Variants in TMEM45B observed in about 807,000 individuals in gnomAD.
TMEM45B encodes transmembrane protein 45B.
TMEM45B carries 29 observed loss-of-function variants against 27.3 expected under a neutral mutation model. The ratio of observed to expected loss-of-function variants is 1.06; its 90% CI spans 0.79 to 1.45. TMEM45B has a LOEUF of 1.45. TMEM45B is among the 40% of genes most tolerant of loss of function. TMEM45B has a pLI of 0.00. For synonymous variants in TMEM45B, 143 were observed against 134.7 expected (o/e 1.06, Z -0.43); for missense variants, 348 against 343.9 (o/e 1.01, Z -0.09).
In TMEM45B at chr11:129,854,728, AG is replaced by A; in HGVS notation, c.299del (p.Gly100GlufsTer64). The A allele has an allele frequency of 6.2e-7, 1 of 1,614,240 alleles. No individual in the cohort carries two copies. Among genetic ancestry groups the A allele is most frequent in the Non-Finnish European group, 8.5e-7 (1 of 1,180,034 alleles). ...CCATGTACCTATTCTTTGCAGTCTC[AG>A]GAATTGTTGACATGCTCACCTATCT... Reference protein sequence around the residue: ...STMYLFFAVSGIVDMLTYLVS... With the variant: ...STMYLFFAVSXIVDMLTYLVS... On this transcript the variant is annotated frameshift_variant, in exon 3 of 6. Coordinates refer to ENST00000281441, the MANE Select transcript of TMEM45B (RefSeq NM_138788.5). LOFTEE classifies it high-confidence loss of function.
chr11:129,821,496 A>G (rs1352800053), intron 1 of TMEM45B, among the ~76,000 whole-genome samples: 1 of 152,132 alleles, frequency 6.6e-6, no homozygotes, highest in Non-Finnish European at 1.5e-5. Context: ...AATTATGTAC[A>G]GTTTTTGTAA....
At chr11:129,816,311 C>T (rs1314395377) in intron 1 of TMEM45B, among the ~76,000 whole-genome samples, 6 of 152,230 alleles carry the variant, frequency 3.9e-5, no homozygotes, top group Non-Finnish European at 8.8e-5. Flanking sequence ...GGGACGCGCG[C>T]CCCCGGGGAT....
intron 1 of TMEM45B, among the ~76,000 whole-genome samples, chr11:129,837,067 G>A (rs956071469): frequency 8.5e-5 from 13 of 152,132 alleles, no homozygotes; most frequent in Non-Finnish European, 1.6e-4. Flanking sequence ...CAGCAATGCC[G>A]AGGCTGTGAG....
chr11:129,833,259 A>T (rs200345686), intron 1 of TMEM45B, among the ~76,000 whole-genome samples: 676 of 65,628 alleles, frequency 0.01, 1 homozygote, highest in African/African-American at 0.026. Context: ...ACAGAAAAAT[A>T]AAAAAAAAAA....
intron 1 of TMEM45B, among the ~76,000 whole-genome samples, chr11:129,825,954 T>C (rs11221866): frequency 0.3 from 46,202 of 151,614 alleles, 7,196 homozygotes; most frequent in South Asian, 0.35. Flanking sequence ...TTAAGGATAG[T>C]GTTAATTACA....
At position 129,826,567 on chromosome 11, in the gene TMEM45B, A is replaced by AGAAAAAGAAAAAT. The variant is rs1555069265; in HGVS notation, c.-9+10669_-9+10670insGAAAAAGAAAAAT. Among the ~76,000 whole-genome samples, 445 of 96,108 alleles carry AGAAAAAGAAAAAT rather than the reference A, an allele frequency of 4.6e-3. 30 individuals carry two copies. In the Admixed American group the frequency reaches 0.047, roughly 10 times the overall value. 63.1% of individuals were successfully genotyped at this position (96,108 alleles called of 152,430 possible). The stretch of plus-strand genomic sequence containing the variant: ...CTGTCACAAAAAAAAAAAAAAAAAA[A>AGAAAAAGAAAAAT]AGGACCCTGAGAGGCTATGTGTCTT... On this transcript the variant is annotated intron_variant, in intron 1 of 5. Coordinates refer to ENST00000281441, the MANE Select transcript of TMEM45B (RefSeq NM_138788.5).
At chr11:129,830,790 A>G (rs866342798) in intron 1 of TMEM45B, among the ~76,000 whole-genome samples, 25 of 152,370 alleles carry the variant, frequency 1.6e-4, no homozygotes, top group African/African-American at 5.8e-4. Flanking sequence ...ATGAAAAAAG[A>G]CATAACAAGT....
At chr11:129,830,535 A>G (rs1166921034) in intron 1 of TMEM45B, among the ~76,000 whole-genome samples, 1 of 152,244 alleles carries the variant, frequency 6.6e-6, no homozygotes, top group East Asian at 1.9e-4. Flanking sequence ...GGACAGCATC[A>G]AGAAAAGACA....
chr11:129,833,337 C>T (rs922883457), intron 1 of TMEM45B, among the ~76,000 whole-genome samples: 8 of 152,014 alleles, frequency 5.3e-5, no homozygotes, highest in African/African-American at 1.7e-4. Context: ...AATTTTGTCC[C>T]CCCACCTCCA....
At chr11:129,826,577 A>C (rs1285777064) in intron 1 of TMEM45B, among the ~76,000 whole-genome samples, 2 of 139,724 alleles carry the variant, frequency 1.4e-5, no homozygotes, top group African/African-American at 5.3e-5. Context: ...AAGGACCCTG[A>C]GAGGCTATGT....
Position 129,857,473 on chromosome 11 carries a change from T to A in TMEM45B, c.716+15T>A, listed in dbSNP as rs752718812. The A allele has an allele frequency of 3.7e-6, 6 of 1,613,638 alleles. No individual in the cohort carries two copies. The African/African-American group carries it at 8.0e-5, about 22-fold the overall frequency. On this transcript the variant is annotated intron_variant, in intron 5 of 5. Coordinates refer to ENST00000281441, the MANE Select transcript of TMEM45B (RefSeq NM_138788.5). Reference sequence around the variant, plus strand: ...CTTGTTTACTGGTATGTCTGAGACTTCAGTGAAGCTTTTCCTCCTAACTCT... The same window carrying A: ...CTTGTTTACTGGTATGTCTGAGACTACAGTGAAGCTTTTCCTCCTAACTCT...
At position 129,820,923 on chromosome 11, in the gene TMEM45B, T is replaced by G. The variant is rs191274415; in HGVS notation, c.-9+5025T>G. 2.5e-3 allele frequency among the ~76,000 whole-genome samples: 385 copies of G among 152,242 alleles called. 10 individuals carry two copies. Among genetic ancestry groups the G allele is most frequent in the Admixed American group, 0.023 (352 of 15,288 alleles). ...ATAGCATGCAGATACGGGCCATTTC[T>G]TCTTCTCTTTTCCAGTTCTGGATGA... On this transcript the variant is annotated intron_variant, in intron 1 of 5. Transcript: ENST00000281441.
At chr11:129,823,031 G>A (rs1304881845) in intron 1 of TMEM45B, among the ~76,000 whole-genome samples, 1 of 151,962 alleles carries the variant, frequency 6.6e-6, no homozygotes, top group Non-Finnish European at 1.5e-5. Context: ...AGTAGAGACA[G>A]GGTTTCACCA....
intron 2 of TMEM45B, 76 bp from the exon 3 acceptor site, chr11:129,854,534 C>T: frequency 6.7e-7 from 1 of 1,486,774 alleles, no homozygotes; most frequent in Non-Finnish European, 9.2e-7. Flanking sequence ...TCGCTCATGC[C>T]TTTGGGTTAT....
At chr11:129,854,396 C>T (rs936504715) in intron 2 of TMEM45B, among the ~76,000 whole-genome samples, 2 of 152,162 alleles carry the variant, frequency 1.3e-5, no homozygotes, top group African/African-American at 4.8e-5. Flanking sequence ...CTAAAAGGAA[C>T]AACAATGGCA....
intron 1 of TMEM45B, among the ~76,000 whole-genome samples, chr11:129,816,887 G>A (rs1478846458): frequency 2.0e-5 from 3 of 150,294 alleles, no homozygotes; most frequent in African/African-American, 4.9e-5. Context: ...ACTGGCGCCC[G>A]CCACCACGCC....
At chr11:129,837,978 C>T (rs1471721877) in intron 1 of TMEM45B, among the ~76,000 whole-genome samples, 1 of 151,854 alleles carries the variant, frequency 6.6e-6, no homozygotes, top group Non-Finnish European at 1.5e-5. Flanking sequence ...GATGGGATTT[C>T]ACCATGTTGG....
At chr11:129,850,148 CG>C (rs1429734019) in intron 1 of TMEM45B, among the ~76,000 whole-genome samples, 15 of 121,136 alleles carry the variant, frequency 1.2e-4, no homozygotes, top group Middle Eastern at 4.4e-3. Flanking sequence ...TCTTTTCTCA[CG>C]TTTTTTTTTT....
chr11:129,839,609 G>A (rs982181917), intron 1 of TMEM45B, among the ~76,000 whole-genome samples: 8 of 152,116 alleles, frequency 5.3e-5, no homozygotes, highest in African/African-American at 1.7e-4. Flanking sequence ...GTGCAATCAC[G>A]GCTCACTGCA....
Sources: allele counts gnomAD v4.1 joint callset (sites outside exome capture counted in the v4.1 genomes callset), GRCh38; gene constraint gnomAD v4.1.1; transcripts MANE v1.5; gene names NCBI Gene and HGNC (gene_info 2026-07-23, HGNC 2026-07-21).